Variants in CCDC110 observed in about 807,000 individuals in gnomAD.
The protein encoded by CCDC110 is coiled-coil domain-containing protein 110.
A neutral mutation model predicts 77.1 loss-of-function variants in CCDC110; 70 were observed. The observed-to-expected ratio is 0.91, with a 90% CI of 0.75 to 1.11. The LOEUF (loss-of-function observed/expected upper bound fraction) is 1.11, where lower values mean the gene tolerates loss of function less well. CCDC110 is among the 50% of genes least tolerant of loss of function. The pLI is 0.00. For missense variants in CCDC110, 868 were observed against 942.9 expected, an observed-to-expected ratio of 0.92 and a Z score of 1.04; for synonymous variants, 295 against 312.5, an observed-to-expected ratio of 0.94 and a Z score of 0.59.
chr4:185,471,313 TG>T (rs1177704238), intron 1 of CCDC110, among the ~76,000 whole-genome samples: 1 of 49,506 alleles, frequency 2.0e-5, no homozygotes, highest in Non-Finnish European at 5.1e-5. Context: ...GCGGGACCTG[TG>T]GGGGCAGAGG....
Position 185,460,168 on chromosome 4 carries a change from T to A in CCDC110, c.419A>T (p.His140Leu). Residue 140 changes from histidine (H) to leucine (L), a missense_variant, in exon 6 of 7, where the codon CAT becomes CTT. Transcript: ENST00000307588. ...SHHFEDSKTL[H>L]SVEEKLSGDS... ...ACCACTTAATTTTTCTTCCACTGAA[T>A]GAAGTGTCTTGGAATCCTCAAAATG... 2 of 1,612,404 alleles carry A rather than the reference T, an allele frequency of 1.2e-6. No individual in the cohort carries two copies. The highest frequency in any genetic ancestry group is 2.2e-5 in the South Asian group (2 of 91,060).
Position 185,459,070 on chromosome 4 carries a change from T to C in CCDC110, c.1517A>G (p.Lys506Arg). The stretch of plus-strand genomic sequence containing the variant: ...TTTACTAATTATTTTTTTAAATTCT[T>C]TAAGACACTCTTTGCTGTATTCTTC... ...KTEEYSKECLKEFKKIISKYN... is the reference protein window; with the variant it reads ...KTEEYSKECLREFKKIISKYN... The change falls in exon 6 of 7, where the codon AAA becomes AGA. Residue 506 changes from lysine (K) to arginine (R), a missense_variant. Transcript: ENST00000307588. The C allele has an allele frequency of 6.4e-7, 1 of 1,571,876 alleles. No homozygotes were observed. The highest frequency in any genetic ancestry group is 8.7e-7 in the Non-Finnish European group (1 of 1,155,728).
chr4:185,467,122 G>C (rs2095657717), intron 2 of CCDC110, among the ~76,000 whole-genome samples: 2 of 152,186 alleles, frequency 1.3e-5, no homozygotes, highest in South Asian at 4.1e-4. Context: ...CAGAGGATTT[G>C]AAGAAGAATT....
At chr4:185,470,817 G>C in intron 2 of CCDC110, 128 bp downstream of exon 2, 1 of 764,392 alleles carries the variant, frequency 1.3e-6, no homozygotes, top group Non-Finnish European at 2.4e-6. Flanking sequence ...CACAAAGCGC[G>C]AGTGCCGTGG....
chr4:185,466,367 C>G (rs1188257403), intron 2 of CCDC110, among the ~76,000 whole-genome samples: 1 of 152,014 alleles, frequency 6.6e-6, no homozygotes, highest in Non-Finnish European at 1.5e-5. Context: ...AAGAGCGAAA[C>G]TCCATCTAAA....
At chr4:185,469,931 G>A (rs1475870459) in intron 2 of CCDC110, among the ~76,000 whole-genome samples, 2 of 152,114 alleles carry the variant, frequency 1.3e-5, no homozygotes, top group East Asian at 1.9e-4. Flanking sequence ...CTGGGGGTCC[G>A]GGCATGGCAC....
intron 2 of CCDC110, chr4:185,470,645 C>T (rs1288668280): frequency 3.8e-6 from 2 of 519,876 alleles, no homozygotes; most frequent in East Asian, 5.0e-5. Flanking sequence ...AGCCGCCCTG[C>T]TGAATGCCCG....
At chr4:185,469,631 C>T (rs1158807868) in intron 2 of CCDC110, among the ~76,000 whole-genome samples, 1 of 152,158 alleles carries the variant, frequency 6.6e-6, no homozygotes. Context: ...TCCTGGTTGC[C>T]CAGGGAAACC....
intron 2 of CCDC110, among the ~76,000 whole-genome samples, chr4:185,465,242 TC>T (rs1428243718): frequency 6.6e-6 from 1 of 152,222 alleles, no homozygotes; most frequent in African/African-American, 2.4e-5. Flanking sequence ...AGGAATAGCT[TC>T]CTTTTTCTGT....
At position 185,459,525 on chromosome 4, in the gene CCDC110, A is replaced by G. The variant is rs1318852290; in HGVS notation, c.1062T>C (p.Asn354=). ...SKSEMHRGKK[N]EKNNKEIPIT... ...TGGGAATTTCTTTATTGTTTTTCTC[A>G]TTTTTCTTTCCCCTGTGCATTTCAC... Residue 354 remains asparagine, a synonymous_variant, in exon 6 of 7, where the codon AAT becomes AAC. Coordinates refer to ENST00000307588, the MANE Select transcript of CCDC110 (RefSeq NM_152775.4). The G allele has an allele frequency of 6.2e-7, 1 of 1,612,704 alleles. No individual in the cohort carries two copies. Among genetic ancestry groups the G allele is most frequent in the Non-Finnish European group, 8.5e-7 (1 of 1,179,406 alleles).
At chr4:185,460,672 G>C (rs1470612510) in intron 5 of CCDC110, among the ~76,000 whole-genome samples, 3 of 152,178 alleles carry the variant, frequency 2.0e-5, no homozygotes, top group Non-Finnish European at 4.4e-5. Flanking sequence ...CTGGAAGTGT[G>C]AGTTCGAGTC....
chr4:185,471,615 C>G, intron 1 of CCDC110, 59 bp downstream of exon 1: 1 of 1,540,014 alleles, frequency 6.5e-7, no homozygotes, highest in South Asian at 1.2e-5. Context: ...GCTGAATGCC[C>G]TTCTGCTGCC....
In CCDC110 at chr4:185,460,221, T is replaced by C. The variant is rs1423366456; in HGVS notation, c.366A>G (p.Glu122=). Residue 122 remains glutamate (E), a synonymous_variant, in exon 6 of 7, where the codon GAA becomes GAG. Transcript: ENST00000307588. ...GACTTTTCTCCATAGAAAGGTTTTCTTCTTGATTCTCTGTAGGCTGTAACA... is the reference window on the plus strand; with the variant it reads ...GACTTTTCTCCATAGAAAGGTTTTCCTCTTGATTCTCTGTAGGCTGTAACA... ...IEKDLPTENQ[E]ENLSMEKSHH... is the part of the protein sequence containing the mutation. The C allele has an allele frequency of 1.9e-6, 3 of 1,603,122 alleles. No individual in the cohort carries two copies. Among genetic ancestry groups the C allele is most frequent in the Non-Finnish European group, 2.5e-6 (3 of 1,178,456 alleles).
rs531971107 is a variant in CCDC110 at position 185,445,614 on chromosome 4, T to A, written c.2462-72A>T. 25 of 982,186 alleles carry A rather than the reference T, an allele frequency of 2.5e-5. No homozygotes were observed. In the South Asian group the frequency reaches 3.4e-4, roughly 13 times the overall value. The allele number at this position is 982,186 out of a possible 1,614,324, so 60.8% of individuals were successfully genotyped here. ...CTATAATGCTTTGAGAAAAAGTATA[T>A]TATCAAGGTATCTTAAAACTTCAAT... is the stretch of plus-strand genomic sequence containing the variant. On this transcript the variant is annotated intron_variant, in intron 6 of 6. Transcript: ENST00000307588.
At chr4:185,461,253 A>T (rs62345633) in intron 4 of CCDC110, 94 bp from the exon 5 acceptor site, 130,417 of 597,428 alleles carry the variant, frequency 0.22, 16,076 homozygotes, top group Non-Finnish European at 0.26. Context: ...GGTGTGTTTA[A>T]ATTTCCTGCC....
chr4:185,446,370 G>T (rs2095611335), intron 6 of CCDC110, among the ~76,000 whole-genome samples: 1 of 152,148 alleles, frequency 6.6e-6, no homozygotes, highest in Admixed American at 6.5e-5. Context: ...AATTTGGGGT[G>T]CTCTAACTTA....
At chr4:185,458,057 A>C in intron 6 of CCDC110, 69 bp downstream of exon 6, 1 of 1,061,848 alleles carries the variant, frequency 9.4e-7, no homozygotes, top group Non-Finnish European at 1.3e-6. Flanking sequence ...TTATTTCTGT[A>C]CTCTGTAGTG....
At chr4:185,465,542 A>G (rs1181060313) in intron 2 of CCDC110, among the ~76,000 whole-genome samples, 1 of 152,166 alleles carries the variant, frequency 6.6e-6, no homozygotes, top group Non-Finnish European at 1.5e-5. Flanking sequence ...AGCAGGAGAC[A>G]GGGGCTAGGT....
In CCDC110 at chr4:185,458,215, A is replaced by G; in HGVS notation, c.2372T>C (p.Ile791Thr). 1 of 1,607,124 alleles carries G rather than the reference A, an allele frequency of 6.2e-7. No homozygotes were observed. Among genetic ancestry groups the G allele is most frequent in the Non-Finnish European group, 8.5e-7 (1 of 1,178,136 alleles). Residue 791 changes from isoleucine to threonine, a missense_variant, in exon 6 of 7, where the codon ATT (isoleucine) becomes ACT (threonine). Coordinates refer to ENST00000307588, the MANE Select transcript of CCDC110 (RefSeq NM_152775.4). Reference sequence around the variant, plus strand: ...AAAATGGAATTTCTCTCTTCTTGAAATGTAAGTTGTTTTTGAAGGGTCATT... The same window carrying G: ...AAAATGGAATTTCTCTCTTCTTGAAGTGTAAGTTGTTTTTGAAGGGTCATT... ...QHNDPSKTTY[I>T]SRREKFHFDN...
Sources: allele counts gnomAD v4.1 joint callset (sites outside exome capture counted in the v4.1 genomes callset), GRCh38; gene constraint gnomAD v4.1.1; transcripts MANE v1.5; gene names NCBI Gene and HGNC (gene_info 2026-07-23, HGNC 2026-07-21).